The following RSPO4 variants were observed in gnomAD, a reference collection of about 807,000 sequenced individuals.
RSPO4 encodes the protein R-spondin-4.
In RSPO4, 23 loss-of-function variants were observed where a neutral mutation model predicts 24.8. That is an observed-to-expected ratio of 0.93 (90% confidence interval 0.67 to 1.31). RSPO4 has a LOEUF of 1.31. Among genes scored for constraint, RSPO4 ranks in the 40% most tolerant of loss-of-function variants. The pLI is 0.00. For synonymous variants in RSPO4, 141 were observed against 127.4 expected, an observed-to-expected ratio of 1.11 and a Z score of -0.72; for missense variants, 333 against 316.5, an observed-to-expected ratio of 1.05 and a Z score of -0.39.
chr20:964,967 C>A (rs905146767), intron 3 of RSPO4, among the ~76,000 whole-genome samples: 16 of 151,998 alleles, frequency 1.1e-4, no homozygotes, highest in Non-Finnish European at 1.9e-4. Context: ...GGGAACGCAG[C>A]AAGAGGCTCA....
chr20:1,001,999 GC>G, intron 1 of RSPO4, 86 bp downstream of exon 1: 2 of 1,135,904 alleles, frequency 1.8e-6, no homozygotes, highest in Non-Finnish European at 2.5e-6. Context: ...CCAGGCAGAT[GC>G]CCCCAGAGCC....
intron 1 of RSPO4, among the ~76,000 whole-genome samples, chr20:984,834 A>G (rs1239469762): frequency 6.6e-6 from 1 of 152,026 alleles, no homozygotes; most frequent in African/African-American, 2.4e-5. Flanking sequence ...CTAAAGGCCC[A>G]CTGTTCACCC....
rs1984747651 is a variant in RSPO4, at chr20:981,957, A to T, written c.80-13819T>A. Among the ~76,000 whole-genome samples the T allele has an allele frequency of 6.6e-6, 1 of 152,066 alleles. No homozygotes were observed. Among genetic ancestry groups the T allele is most frequent in the South Asian group, 2.1e-4 (1 of 4,802 alleles). ...CCTGGACCTGCCCTGGACCACATCT[A>T]TTCTGCCCTCCATTAGCTACTCATT... On this transcript the variant is annotated intron_variant, in intron 1 of 4. Coordinates refer to ENST00000217260, the MANE Select transcript of RSPO4 (RefSeq NM_001029871.4). The surrounding 1 kb of genome is among the most constrained non-coding windows in gnomAD (Gnocchi z 4.6).
chr20:984,012 C>T (rs1984822050), intron 1 of RSPO4, among the ~76,000 whole-genome samples: 1 of 151,990 alleles, frequency 6.6e-6, no homozygotes, highest in Non-Finnish European at 1.5e-5. Flanking sequence ...AAATAAATAC[C>T]CTCCTCACCT....
intron 1 of RSPO4, among the ~76,000 whole-genome samples, chr20:998,044 T>C (rs994123188): frequency 2.0e-5 from 3 of 152,258 alleles, no homozygotes; most frequent in Middle Eastern, 3.4e-3. Flanking sequence ...GAGAGGTAGG[T>C]GTAAGTTTTC....
At chr20:966,451 CTT>C (rs368238797) in intron 3 of RSPO4, among the ~76,000 whole-genome samples, 9 of 147,982 alleles carry the variant, frequency 6.1e-5, no homozygotes, top group Non-Finnish European at 1.0e-4. Context: ...GTTCTATTGT[CTT>C]TTTTTTTTTC....
At chr20:986,116 T>A (rs1010162614) in intron 1 of RSPO4, among the ~76,000 whole-genome samples, 1 of 152,138 alleles carries the variant, frequency 6.6e-6, no homozygotes, top group Non-Finnish European at 1.5e-5. Context: ...GAAGTGGGGA[T>A]GGGGTAGTGA....
At chr20:973,387 T>A (rs1034539584) in intron 1 of RSPO4, among the ~76,000 whole-genome samples, 23 of 152,244 alleles carry the variant, frequency 1.5e-4, no homozygotes, top group Non-Finnish European at 1.2e-4. Context: ...TTCCCCAAAG[T>A]CAGGCAGCCA....
intron 4 of RSPO4, among the ~76,000 whole-genome samples, chr20:963,318 G>T (rs570143708): frequency 5.3e-5 from 8 of 152,112 alleles, no homozygotes; most frequent in African/African-American, 1.4e-4. Flanking sequence ...AATTGGTTTC[G>T]AACACTTCCA....
At chr20:980,052 T>C (rs1984689125) in intron 1 of RSPO4, among the ~76,000 whole-genome samples, 1 of 152,206 alleles carries the variant, frequency 6.6e-6, no homozygotes, top group Admixed American at 6.5e-5. Context: ...TTCTTTGTTT[T>C]ATAGCTGCTT....
At position 960,486 on chromosome 20, in the gene RSPO4, C is replaced by A; in HGVS notation, c.596-20G>T. ...TCCTCTCTGCAATGAGAGGACAGAG[C>A]CCGGTGACCAAGGCTGCAGGGCCAG... On this transcript the variant is annotated intron_variant, in intron 4 of 4. Coordinates refer to ENST00000217260, the MANE Select transcript of RSPO4 (RefSeq NM_001029871.4). 1 of 1,524,014 alleles carries A rather than the reference C, an allele frequency of 6.6e-7. No individual in the cohort carries two copies. Among genetic ancestry groups the A allele is most frequent in the Non-Finnish European group, 8.8e-7 (1 of 1,133,720 alleles). 94.4% of individuals were successfully genotyped at this position (1,524,014 alleles called of 1,614,324 possible). A position where few individuals can be genotyped will look rare whatever the true frequency, so the allele number is the denominator to read the frequency against.
intron 1 of RSPO4, among the ~76,000 whole-genome samples, chr20:993,198 C>T (rs905448180): frequency 6.6e-6 from 1 of 152,226 alleles, no homozygotes; most frequent in Non-Finnish European, 1.5e-5. Flanking sequence ...TTTCCCACCC[C>T]CTCCGCAATG....
chr20:985,968 C>A (rs530629774), intron 1 of RSPO4, among the ~76,000 whole-genome samples: 13 of 152,338 alleles, frequency 8.5e-5, no homozygotes, highest in Non-Finnish European at 2.9e-5. Context: ...GGGGTGGGGT[C>A]TGGCAGAGGC....
chr20:961,852 C>A (rs180680755), intron 4 of RSPO4, among the ~76,000 whole-genome samples: 26 of 151,856 alleles, frequency 1.7e-4, no homozygotes, highest in Non-Finnish European at 3.8e-4. Flanking sequence ...CACCTCCATA[C>A]CCAATGACCC....
chr20:988,844 C>A (rs1038759231), intron 1 of RSPO4, among the ~76,000 whole-genome samples: 2 of 152,208 alleles, frequency 1.3e-5, no homozygotes, highest in Non-Finnish European at 2.9e-5. Context: ...AGCCACTGCG[C>A]CCAGCCAGAT....
Position 960,051 on chromosome 20 carries a change from G to T in RSPO4, c.*306C>A. Reference sequence around the variant, plus strand: ...CAAGAGGAGGGAGAGAGAGAAGGATGCGGTGAAGGACAGGAAGAAACACAG... The same window carrying T: ...CAAGAGGAGGGAGAGAGAGAAGGATTCGGTGAAGGACAGGAAGAAACACAG... On this transcript the variant is annotated 3_prime_UTR_variant, in exon 5 of 5. Transcript: ENST00000217260. 2.2e-6 allele frequency: 1 copy of T among 452,468 alleles called. No homozygotes were observed. The highest frequency in any genetic ancestry group is 4.0e-6 in the Non-Finnish European group (1 of 248,968). The allele number at this position is 452,468 out of a possible 1,614,324, so 28.0% of individuals were successfully genotyped here. A position where few individuals can be genotyped will look rare whatever the true frequency, so the allele number is the denominator to read the frequency against.
At chr20:985,678 C>T (rs1984898881) in intron 1 of RSPO4, among the ~76,000 whole-genome samples, 1 of 152,194 alleles carries the variant, frequency 6.6e-6, no homozygotes, top group African/African-American at 2.4e-5. Flanking sequence ...GAGAGGGGGC[C>T]AACTATCTTT....
chr20:963,055 T>A (rs1309409798), intron 4 of RSPO4, among the ~76,000 whole-genome samples: 1 of 152,240 alleles, frequency 6.6e-6, no homozygotes, highest in Non-Finnish European at 1.5e-5. Context: ...CTGTGGCCTC[T>A]CTTCTATGTA....
At chr20:978,431 T>C (rs577691647) in intron 1 of RSPO4, among the ~76,000 whole-genome samples, 207 of 152,346 alleles carry the variant, frequency 1.4e-3, no homozygotes, top group African/African-American at 4.9e-3. Context: ...TGGGCCCAGC[T>C]TGGCTTGCTC....
Sources: allele counts gnomAD v4.1 joint callset (sites outside exome capture counted in the v4.1 genomes callset), GRCh38; gene constraint gnomAD v4.1.1; non-coding constraint Gnocchi (gnomAD v3.1); transcripts MANE v1.5; gene names NCBI Gene and HGNC (gene_info 2026-07-23, HGNC 2026-07-21).